MSRA: variants seen among roughly 807,000 people sequenced by gnomAD.
The protein encoded by MSRA is mitochondrial peptide methionine sulfoxide reductase.
Under a neutral mutation model 31.3 loss-of-function variants are expected in MSRA, and 54 were observed. The observed-to-expected ratio is 1.73, with a 90% CI of 1.39 to 2.17. The LOEUF (loss-of-function observed/expected upper bound fraction) is 2.17, where lower values mean the gene tolerates loss of function less well. Ranked by LOEUF, MSRA falls within the 30% of genes most tolerant of loss-of-function variation. The pLI, the probability that MSRA is intolerant of heterozygous loss-of-function variation, is 0.00. For missense variants in MSRA, 507 were observed against 300.9 expected, an observed-to-expected ratio of 1.69 and a Z score of -5.07; for synonymous variants, 169 against 116.5, an observed-to-expected ratio of 1.45 and a Z score of -2.90.
At chr8:10,207,113 G>T (rs1397314952) in intron 1 of MSRA, among the ~76,000 whole-genome samples, 1 of 152,186 alleles carries the variant, frequency 6.6e-6, no homozygotes, top group Non-Finnish European at 1.5e-5. Context: ...TACTCATATT[G>T]TCTATTGATC....
intron 5 of MSRA, among the ~76,000 whole-genome samples, chr8:10,347,458 C>G (rs1267175025): frequency 6.6e-6 from 1 of 152,316 alleles, no homozygotes; most frequent in East Asian, 1.9e-4. Flanking sequence ...CACAAACACT[C>G]TGCCTTGCCC....
rs559902555 is a variant in MSRA at position 10,067,365 on chromosome 8, T to C, written c.142+12707T>C. Among the ~76,000 whole-genome samples the C allele has an allele frequency of 1.4e-4, 22 of 152,366 alleles. No homozygotes were observed. In the South Asian group the frequency reaches 3.7e-3, roughly 26 times the overall value. ...CTGGTTGGATAGCCAAATTTCTTTT[T>C]ATTATCAATAATATTCCATTGTATG... is the stretch of plus-strand genomic sequence containing the variant. On this transcript the variant is annotated intron_variant, in intron 1 of 5. Coordinates refer to ENST00000317173, the MANE Select transcript of MSRA (RefSeq NM_012331.5).
At chr8:10,100,371 C>A (rs1054143100) in intron 1 of MSRA, among the ~76,000 whole-genome samples, 2 of 152,052 alleles carry the variant, frequency 1.3e-5, no homozygotes, top group Non-Finnish European at 2.9e-5. Flanking sequence ...AAGCCCTGTG[C>A]CTTGATCTGC....
At chr8:10,125,015 G>A (rs540409505) in intron 1 of MSRA, among the ~76,000 whole-genome samples, 2 of 152,148 alleles carry the variant, frequency 1.3e-5, no homozygotes, top group South Asian at 4.1e-4. Context: ...TCAAACTAAG[G>A]TGCTTTGATG....
intron 5 of MSRA, among the ~76,000 whole-genome samples, chr8:10,335,645 C>T (rs1050314988): frequency 2.6e-5 from 4 of 152,126 alleles, no homozygotes; most frequent in Non-Finnish European, 2.9e-5. Context: ...CTGCCTCGGG[C>T]TCTCTTCGGC....
intron 1 of MSRA, among the ~76,000 whole-genome samples, chr8:10,112,306 T>C (rs1264731853): frequency 2.0e-5 from 3 of 152,172 alleles, no homozygotes; most frequent in African/African-American, 7.2e-5. Context: ...AGCCATTTGG[T>C]TTGATTCAAC....
intron 2 of MSRA, among the ~76,000 whole-genome samples, chr8:10,224,966 C>T (rs560824713): frequency 9.8e-5 from 15 of 152,286 alleles, no homozygotes; most frequent in Non-Finnish European, 2.1e-4. Flanking sequence ...TGGCAAAACC[C>T]ATCTCTACTA....
At chr8:10,225,584 T>A (rs1453370833) in intron 2 of MSRA, among the ~76,000 whole-genome samples, 1 of 152,174 alleles carries the variant, frequency 6.6e-6, no homozygotes, top group Non-Finnish European at 1.5e-5. Context: ...TAGGTTTGAA[T>A]AGAGGAGCAA....
intron 4 of MSRA, among the ~76,000 whole-genome samples, chr8:10,312,929 G>C (rs1210506518): frequency 6.6e-6 from 1 of 152,156 alleles, no homozygotes; most frequent in Non-Finnish European, 1.5e-5. Flanking sequence ...AGCAAGCATT[G>C]TATTTAATAA....
chr8:10,114,351 G>T (rs577557021), intron 1 of MSRA, among the ~76,000 whole-genome samples: 2 of 152,300 alleles, frequency 1.3e-5, no homozygotes, highest in East Asian at 3.9e-4. Flanking sequence ...GGGGCCAGAC[G>T]TAAGAGTGGA....
intron 3 of MSRA, among the ~76,000 whole-genome samples, chr8:10,285,935 G>A (rs2975636): frequency 6.6e-6 from 1 of 152,066 alleles, no homozygotes; most frequent in Non-Finnish European, 1.5e-5. Flanking sequence ...CTAATTAGAA[G>A]ATAAAGTGCA....
At chr8:10,256,710 C>G (rs1271453643) in intron 3 of MSRA, among the ~76,000 whole-genome samples, 1 of 152,148 alleles carries the variant, frequency 6.6e-6, no homozygotes. Flanking sequence ...TGTAAGAGTT[C>G]AGATTTGCAT....
intron 3 of MSRA, chr8:10,250,611 A>G (rs1410652223): frequency 1.6e-6 from 1 of 629,012 alleles, no homozygotes; most frequent in South Asian, 1.9e-5. Context: ...TGGATTTTCA[A>G]GCAGGCTGTT....
At chr8:10,242,947 C>T (rs770810358) in intron 2 of MSRA, among the ~76,000 whole-genome samples, 1 of 152,162 alleles carries the variant, frequency 6.6e-6, no homozygotes, top group Non-Finnish European at 1.5e-5. Flanking sequence ...CCACCTGCAT[C>T]CTGGTCATTC....
intron 1 of MSRA, among the ~76,000 whole-genome samples, chr8:10,056,610 TG>T (rs1802388192): frequency 6.6e-6 from 1 of 151,404 alleles, no homozygotes; most frequent in East Asian, 1.9e-4. Context: ...CCACAAAAAG[TG>T]TGTGAAATTT....
intron 1 of MSRA, among the ~76,000 whole-genome samples, chr8:10,069,018 C>A (rs988260669): frequency 6.6e-6 from 1 of 152,076 alleles, no homozygotes; most frequent in Non-Finnish European, 1.5e-5. Context: ...CAAAATATTT[C>A]GTGTTTTTTT....
chr8:10,280,983 G>C (rs1585352472), intron 3 of MSRA, among the ~76,000 whole-genome samples: 1 of 152,196 alleles, frequency 6.6e-6, no homozygotes, highest in East Asian at 1.9e-4. Flanking sequence ...AGACACATTA[G>C]TCATTAGCTT....
chr8:10,286,653 G>T (rs1283475944), intron 3 of MSRA, among the ~76,000 whole-genome samples: 2 of 152,216 alleles, frequency 1.3e-5, no homozygotes, highest in African/African-American at 4.8e-5. Flanking sequence ...CCCTCCCATG[G>T]CACCTAACAC....
At chr8:10,071,364 A>G (rs1797722702) in intron 1 of MSRA, among the ~76,000 whole-genome samples, 1 of 152,004 alleles carries the variant, frequency 6.6e-6, no homozygotes, top group Non-Finnish European at 1.5e-5. Flanking sequence ...TTTACTCTTC[A>G]GCGGAGTCTT....
Sources: gnomAD v4.1 joint callset for allele counts (sites outside exome capture counted in the v4.1 genomes callset) on GRCh38, gnomAD v4.1.1 for gene constraint, MANE v1.5 for transcripts, NCBI Gene and HGNC (gene_info 2026-07-23, HGNC 2026-07-21) for gene names.